FMNL2: variants seen among roughly 807,000 people sequenced by gnomAD.
The protein encoded by FMNL2 is formin-like protein 2.
In FMNL2, 51 loss-of-function variants were observed where a neutral mutation model predicts 130.2. The ratio of observed to expected loss-of-function variants is 0.39; its 90% CI spans 0.31 to 0.49. FMNL2 has a LOEUF of 0.49. Among genes scored for constraint, FMNL2 ranks in the 20% least tolerant of loss-of-function variants. FMNL2 has a pLI of 0.85. For missense variants in FMNL2, 977 were observed against 1,316.2 expected (o/e 0.74, Z 3.99); for synonymous variants, 465 against 467.1 (o/e 1.00, Z 0.06).
intron 1 of FMNL2, among the ~76,000 whole-genome samples, chr2:152,495,987 A>G (rs1368501801): frequency 6.7e-6 from 1 of 149,760 alleles, no homozygotes; most frequent in Non-Finnish European, 1.5e-5. Context: ...GATTAATTTT[A>G]AAAGAATTTC....
intron 1 of FMNL2, among the ~76,000 whole-genome samples, chr2:152,437,677 C>T (rs2106116872): frequency 6.6e-6 from 1 of 152,236 alleles, no homozygotes; most frequent in South Asian, 2.1e-4. Context: ...CTGAGAGCAA[C>T]CCTGGTGACT....
intron 10 of FMNL2, among the ~76,000 whole-genome samples, chr2:152,608,363 AAAAAAAAAG>A (rs764171031): frequency 0.023 from 585 of 25,508 alleles, 17 homozygotes; most frequent in Admixed American, 0.042. Context: ...TTTTTGTGAA[AAAAAAAAAG>A]AAAAAAAAAA....
At chr2:152,646,162 A>AC in intron 25 of FMNL2, among the ~76,000 whole-genome samples, 1 of 144,584 alleles carries the variant, frequency 6.9e-6, no homozygotes, top group Non-Finnish European at 1.6e-5. Context: ...CTCTACAAAA[A>AC]AAAAAAAACA....
At chr2:152,361,115 AT>A (rs1160693297) in intron 1 of FMNL2, among the ~76,000 whole-genome samples, 1 of 152,184 alleles carries the variant, frequency 6.6e-6, no homozygotes, top group African/African-American at 2.4e-5. Flanking sequence ...CTATAGTCTC[AT>A]TTTTTTTCCA....
chr2:152,429,568 A>G (rs1687386652), intron 1 of FMNL2, among the ~76,000 whole-genome samples: 1 of 150,594 alleles, frequency 6.6e-6, no homozygotes, highest in Non-Finnish European at 1.5e-5. Context: ...TGTGGTTGGT[A>G]TTTACTGACA....
At chr2:152,367,585 G>T (rs750059657) in intron 1 of FMNL2, among the ~76,000 whole-genome samples, 7 of 152,182 alleles carry the variant, frequency 4.6e-5, no homozygotes, top group Non-Finnish European at 8.8e-5. Flanking sequence ...TTGTAGAACA[G>T]GTTGAAAGGG....
chr2:152,437,679 C>T (rs1036509119), intron 1 of FMNL2, among the ~76,000 whole-genome samples: 5 of 152,158 alleles, frequency 3.3e-5, no homozygotes, highest in African/African-American at 1.2e-4. Flanking sequence ...GAGAGCAACC[C>T]TGGTGACTCT....
chr2:152,351,451 A>G (rs4664572), intron 1 of FMNL2, among the ~76,000 whole-genome samples: 150,452 of 152,250 alleles, frequency 0.99, 74,363 homozygotes, highest in Middle Eastern at 1. Context: ...AACTTGTGGC[A>G]TTTGGTTTTC....
chr2:152,647,745 C>A (rs1683716396), intron 25 of FMNL2, 51 bp from the exon 26 acceptor site: 3 of 1,569,170 alleles, frequency 1.9e-6, no homozygotes, highest in Non-Finnish European at 2.6e-6. Context: ...CCTGCTTAGA[C>A]ACATGCTATT....
At chr2:152,565,585 A>AT (rs534035722) in intron 6 of FMNL2, among the ~76,000 whole-genome samples, 37 of 152,060 alleles carry the variant, frequency 2.4e-4, no homozygotes, top group Non-Finnish European at 4.0e-4. Context: ...TTTCCTTAAA[A>AT]TTTTTTTGTC....
intron 2 of FMNL2, among the ~76,000 whole-genome samples, chr2:152,541,873 T>A (rs77427289): frequency 0.086 from 13,084 of 152,070 alleles, 837 homozygotes; most frequent in Admixed American, 0.22. Flanking sequence ...TAAATATAAG[T>A]ACTGGTTCAT....
At chr2:152,601,303 C>CTTTTTTTTTT (rs10567754) in intron 9 of FMNL2, among the ~76,000 whole-genome samples, 1 of 134,740 alleles carries the variant, frequency 7.4e-6, no homozygotes. Flanking sequence ...TTTCTTTTTT[C>CTTTTTTTTTT]TTTTTTTTTT....
At chr2:152,391,219 C>G (rs1404217810) in intron 1 of FMNL2, among the ~76,000 whole-genome samples, 1 of 152,200 alleles carries the variant, frequency 6.6e-6, no homozygotes, top group Non-Finnish European at 1.5e-5. Flanking sequence ...GTCACATATG[C>G]CTTTTGGGTG....
At chr2:152,480,633 TAAAAAAAAAA>T (rs58943356) in intron 1 of FMNL2, among the ~76,000 whole-genome samples, 9 of 37,390 alleles carry the variant, frequency 2.4e-4, no homozygotes, top group East Asian at 2.2e-3. Flanking sequence ...AGACTCTGTC[TAAAAAAAAAA>T]AAAAAAAAAA....
At chr2:152,408,058 G>A (rs1363598119) in intron 1 of FMNL2, among the ~76,000 whole-genome samples, 2 of 152,194 alleles carry the variant, frequency 1.3e-5, no homozygotes, top group Non-Finnish European at 2.9e-5. Context: ...CTGGAAGGTG[G>A]CAGAGAACAG....
intron 6 of FMNL2, among the ~76,000 whole-genome samples, chr2:152,561,959 G>C (rs1695556289): frequency 6.6e-6 from 1 of 152,124 alleles, no homozygotes; most frequent in Non-Finnish European, 1.5e-5. Context: ...AGGGAGGATT[G>C]GTGCTGACCA....
chr2:152,577,798 A>G (rs1024205981), intron 7 of FMNL2, among the ~76,000 whole-genome samples: 4 of 152,086 alleles, frequency 2.6e-5, no homozygotes, highest in Admixed American at 2.0e-4. Context: ...TGGGGGTGAA[A>G]TGCTTGATTG....
chr2:152,626,732 G>A lies in FMNL2; in HGVS notation c.2165+5G>A, dbSNP rs1306808604. The A allele has an allele frequency of 6.2e-7, 1 of 1,600,860 alleles. No homozygotes were observed. Among genetic ancestry groups the A allele is most frequent in the Non-Finnish European group, 8.5e-7 (1 of 1,173,686 alleles). On this transcript the variant is annotated splice_donor_5th_base_variant and intron_variant, in intron 17 of 25. Transcript: ENST00000288670. ...AATATGTAAAGCTATTCATGTGTAA[G>A]TTCAGGAAAATTATATTCTAGTTAG... is the stretch of plus-strand genomic sequence containing the variant.
At chr2:152,431,964 T>TCAAAAAAAA (rs1332535927) in intron 1 of FMNL2, among the ~76,000 whole-genome samples, 1 of 45,098 alleles carries the variant, frequency 2.2e-5, no homozygotes, top group African/African-American at 2.7e-4. Flanking sequence ...AACCCTATCT[T>TCAAAAAAAA]TAAAAAAAAA....
Sources: allele counts gnomAD v4.1 joint callset (sites outside exome capture counted in the v4.1 genomes callset), GRCh38; gene constraint gnomAD v4.1.1; transcripts MANE v1.5; gene names NCBI Gene and HGNC (gene_info 2026-07-23, HGNC 2026-07-21).